The following PTPRM variants were observed in gnomAD, a reference collection of about 807,000 sequenced individuals.
The protein encoded by PTPRM is protein tyrosine phosphatase receptor type M.
Under a neutral mutation model 186.7 loss-of-function variants are expected in PTPRM, and 47 were observed. The ratio of observed to expected loss-of-function variants is 0.25; its 90% confidence interval spans 0.20 to 0.32. PTPRM has a LOEUF of 0.32. Among genes scored for constraint, PTPRM ranks in the 10% least tolerant of loss-of-function variants. The pLI, the probability that PTPRM is intolerant of heterozygous loss-of-function variation, is 1.00. For missense variants in PTPRM, 1,494 were observed against 1,865.0 expected (o/e 0.80, Z 3.66); for synonymous variants, 668 against 674.9 (o/e 0.99, Z 0.16).
At chr18:8,233,513 T>C (rs1368780479) in intron 14 of PTPRM, among the ~76,000 whole-genome samples, 1 of 152,224 alleles carries the variant, frequency 6.6e-6, no homozygotes, top group African/African-American at 2.4e-5. Flanking sequence ...ATTGTTTGTG[T>C]TCTTATTGTT....
chr18:7,984,754 C>T (rs2082766275), intron 7 of PTPRM, among the ~76,000 whole-genome samples: 1 of 134,170 alleles, frequency 7.5e-6, no homozygotes. Flanking sequence ...AAATTATATA[C>T]ACATATATAA....
chr18:8,270,715 T>C (rs1197667299), intron 19 of PTPRM, among the ~76,000 whole-genome samples: 1 of 152,130 alleles, frequency 6.6e-6, no homozygotes, highest in Non-Finnish European at 1.5e-5. Context: ...GCAACATGAA[T>C]GAACCTTGAG....
chr18:8,234,961 T>C (rs894811624), intron 14 of PTPRM, among the ~76,000 whole-genome samples: 1 of 152,180 alleles, frequency 6.6e-6, no homozygotes, highest in African/African-American at 2.4e-5. Context: ...TATAATTATT[T>C]TTATAAATTG....
At chr18:7,654,325 T>C (rs1032613961) in intron 1 of PTPRM, among the ~76,000 whole-genome samples, 4 of 152,148 alleles carry the variant, frequency 2.6e-5, no homozygotes, top group Non-Finnish European at 5.9e-5. Flanking sequence ...TTTAACCCAC[T>C]TGTGCTGGAG....
chr18:7,575,325 C>G (rs953950617), intron 1 of PTPRM, among the ~76,000 whole-genome samples: 1 of 152,172 alleles, frequency 6.6e-6, no homozygotes, highest in African/African-American at 2.4e-5. Flanking sequence ...CCTTAACCCC[C>G]CTGCCTGAGC....
intron 11 of PTPRM, among the ~76,000 whole-genome samples, chr18:8,112,746 A>T (rs1029925502): frequency 2.0e-5 from 3 of 152,308 alleles, no homozygotes; most frequent in African/African-American, 4.8e-5. Context: ...TTGGAAGAGG[A>T]TGAGCGGGTA....
intron 3 of PTPRM, among the ~76,000 whole-genome samples, chr18:7,904,678 G>A (rs2049883305): frequency 6.6e-6 from 1 of 152,136 alleles, no homozygotes; most frequent in African/African-American, 2.4e-5. Context: ...GGACATCTGG[G>A]CTGTTTCTGT....
At chr18:8,149,091 T>G (rs1568424508) in intron 14 of PTPRM, among the ~76,000 whole-genome samples, 1 of 152,178 alleles carries the variant, frequency 6.6e-6, no homozygotes, top group Non-Finnish European at 1.5e-5. Flanking sequence ...AATTTTAAAA[T>G]AAGTGTGATG....
chr18:8,167,303 G>A (rs2093338290), intron 14 of PTPRM, among the ~76,000 whole-genome samples: 1 of 152,240 alleles, frequency 6.6e-6, no homozygotes, highest in South Asian at 2.1e-4. Context: ...GTACCACATG[G>A]CATTAGGCCA....
At chr18:7,653,438 A>G (rs1360280835) in intron 1 of PTPRM, among the ~76,000 whole-genome samples, 1 of 152,066 alleles carries the variant, frequency 6.6e-6, no homozygotes, top group Non-Finnish European at 1.5e-5. Flanking sequence ...CCTAGTACCC[A>G]TTAGTTTTCC....
intron 23 of PTPRM, among the ~76,000 whole-genome samples, chr18:8,353,589 C>T (rs995428544): frequency 1.3e-5 from 2 of 152,040 alleles, no homozygotes; most frequent in East Asian, 3.9e-4. Context: ...GTTTCTACCA[C>T]TGTGACTTGG....
At chr18:7,707,627 A>C (rs1390120172) in intron 1 of PTPRM, among the ~76,000 whole-genome samples, 1 of 152,134 alleles carries the variant, frequency 6.6e-6, no homozygotes, top group Non-Finnish European at 1.5e-5. Flanking sequence ...TTACAGAGTG[A>C]GGCCCTATCT....
At chr18:7,777,212 A>G (rs985474569) in intron 2 of PTPRM, among the ~76,000 whole-genome samples, 1 of 152,198 alleles carries the variant, frequency 6.6e-6, no homozygotes, top group Non-Finnish European at 1.5e-5. Flanking sequence ...TTATGTATAT[A>G]GGTTGGTTCC....
chr18:7,925,624 T>C (rs2051126085), intron 4 of PTPRM, among the ~76,000 whole-genome samples: 1 of 152,142 alleles, frequency 6.6e-6, no homozygotes, highest in Non-Finnish European at 1.5e-5. Context: ...CTGGTTATTA[T>C]CCAGATTTAT....
chr18:7,961,256 G>A (rs986288121), intron 7 of PTPRM, among the ~76,000 whole-genome samples: 1 of 152,110 alleles, frequency 6.6e-6, no homozygotes, highest in Non-Finnish European at 1.5e-5. Flanking sequence ...CTGAAACACT[G>A]CATCCACTAA....
chr18:8,104,674 C>T (rs2091442163), intron 11 of PTPRM, among the ~76,000 whole-genome samples: 3 of 152,220 alleles, frequency 2.0e-5, no homozygotes, highest in Middle Eastern at 6.8e-3. Context: ...TCTCAAACTC[C>T]TGGGCCCAAG....
At chr18:8,326,487 AG>A (rs1446230567) in intron 22 of PTPRM, among the ~76,000 whole-genome samples, 8 of 152,220 alleles carry the variant, frequency 5.3e-5, no homozygotes, top group Non-Finnish European at 8.8e-5. Flanking sequence ...GGCAATCCTA[AG>A]CAAAAAGAAC....
At chr18:8,262,083 T>C (rs1265051206) in intron 19 of PTPRM, among the ~76,000 whole-genome samples, 1 of 152,118 alleles carries the variant, frequency 6.6e-6, no homozygotes, top group African/African-American at 2.4e-5. Flanking sequence ...AAACTAGATA[T>C]TTCACGGTTG....
intron 7 of PTPRM, among the ~76,000 whole-genome samples, chr18:8,003,631 A>G (rs1213429053): frequency 6.6e-6 from 1 of 152,236 alleles, no homozygotes; most frequent in East Asian, 1.9e-4. Context: ...ATTACTAGGC[A>G]AAAATAAAGT....
Sources: gnomAD v4.1 joint callset for allele counts (sites outside exome capture counted in the v4.1 genomes callset) on GRCh38, gnomAD v4.1.1 for gene constraint, MANE v1.5 for transcripts, NCBI Gene and HGNC (gene_info 2026-07-23, HGNC 2026-07-21) for gene names.